The following CCDC33 variants were observed in gnomAD, a reference collection of about 807,000 sequenced individuals.
CCDC33 encodes coiled-coil domain containing 33.
A neutral mutation model predicts 91.9 loss-of-function variants in CCDC33; 94 were observed. The ratio of observed to expected loss-of-function variants is 1.02; its 90% CI spans 0.87 to 1.21. The LOEUF is 1.21. CCDC33 is among the 50% of genes most tolerant of loss of function. The pLI is 0.00. For missense variants in CCDC33, 940 were observed against 935.5 expected, an observed-to-expected ratio of 1.00 and a Z score of -0.06; for synonymous variants, 396 against 374.5, an observed-to-expected ratio of 1.06 and a Z score of -0.66.
intron 10 of CCDC33, among the ~76,000 whole-genome samples, chr15:74,285,057 C>T (rs1479777347): frequency 6.6e-6 from 1 of 152,284 alleles, no homozygotes; most frequent in Non-Finnish European, 1.5e-5. Flanking sequence ...CCCTCGTTCA[C>T]ATGGTCAACA....
intron 11 of CCDC33, among the ~76,000 whole-genome samples, chr15:74,305,761 G>A (rs551665721): frequency 2.6e-5 from 4 of 152,268 alleles, no homozygotes; most frequent in African/African-American, 7.2e-5. Flanking sequence ...AGGGTTTTGA[G>A]CATCTACTCT....
At chr15:74,247,804 C>T (rs1482075284) in intron 2 of CCDC33, among the ~76,000 whole-genome samples, 3 of 152,090 alleles carry the variant, frequency 2.0e-5, no homozygotes, top group Non-Finnish European at 4.4e-5. Context: ...TGGCTGGGCA[C>T]GGTGGCTCAT....
At position 74,331,205 on chromosome 15, in the gene CCDC33, G is replaced by A. The variant is rs754933792; in HGVS notation, c.1680G>A (p.Val560=). 3 of 1,614,200 alleles carry A rather than the reference G, an allele frequency of 1.9e-6. No individual in the cohort carries two copies. The Admixed American group carries it at 5.0e-5, about 27-fold the overall frequency. The change falls in exon 15 of 19, where the codon GTG becomes GTA. Residue 560 remains valine (V), a splice_region_variant and synonymous_variant. Coordinates refer to ENST00000398814, the MANE Select transcript of CCDC33 (RefSeq NM_025055.5). ...LEETVRHQEK[V]IEKMERVLED... is the part of the protein sequence containing the mutation. ...CCAGCCTCTGCTCTGCTCTCCAGGT[G>A]ATCGAGAAGATGGAGCGGGTGCTGG...
At chr15:74,208,461 C>T (rs2074311884) in intron 1 of CCDC33, among the ~76,000 whole-genome samples, 1 of 152,142 alleles carries the variant, frequency 6.6e-6, no homozygotes, top group African/African-American at 2.4e-5. Context: ...GACTGCTGGG[C>T]AGATCCCCTG....
intron 10 of CCDC33, among the ~76,000 whole-genome samples, chr15:74,294,914 C>T (rs2059654604): frequency 6.6e-6 from 1 of 152,078 alleles, no homozygotes; most frequent in African/African-American, 2.4e-5. Flanking sequence ...TGAGTGGCAT[C>T]AGACTTTAGA....
intron 11 of CCDC33, among the ~76,000 whole-genome samples, chr15:74,326,260 G>A (rs1384008445): frequency 1.3e-5 from 2 of 152,230 alleles, no homozygotes; most frequent in Non-Finnish European, 2.9e-5. Flanking sequence ...AGAAGTTCGA[G>A]GTTGCAGTGA....
chr15:74,294,353 C>G (rs1339673042), intron 10 of CCDC33, among the ~76,000 whole-genome samples: 1 of 152,052 alleles, frequency 6.6e-6, no homozygotes. Context: ...TTAGAGATAA[C>G]CATGAATTTC....
In CCDC33 at chr15:74,336,088, G is replaced by T. The variant is rs775167644; in HGVS notation, c.*35G>T. On this transcript the variant is annotated 3_prime_UTR_variant, in exon 19 of 19. Coordinates refer to ENST00000398814, the MANE Select transcript of CCDC33 (RefSeq NM_025055.5). ...CAGGCCTCCTTCCCTGTGTGCTGGG[G>T]AGTCTCATCACCGCCCCCTAAAAAT... 1 of 1,606,760 alleles carries T rather than the reference G, an allele frequency of 6.2e-7. No homozygotes were observed.
chr15:74,331,431 G>GA (rs2060436947), intron 15 of CCDC33, 135 bp downstream of exon 15: 4 of 867,702 alleles, frequency 4.6e-6, no homozygotes. Flanking sequence ...GTGGGCCTGG[G>GA]AGACCCAGGA....
rs2075448510 is a variant in CCDC33, at chr15:74,244,292, C to G, written c.185+144C>G. The G allele has an allele frequency of 9.3e-7, 1 of 1,076,738 alleles. No individual in the cohort carries two copies. Among genetic ancestry groups the G allele is most frequent in the Admixed American group, 2.9e-5 (1 of 34,034 alleles). The allele number at this position is 1,076,738 out of a possible 1,614,324, so 66.7% of individuals were successfully genotyped here. A position where few individuals can be genotyped will look rare whatever the true frequency, so the allele number is the denominator to read the frequency against. On this transcript the variant is annotated intron_variant, in intron 2 of 18. Transcript: ENST00000398814. This position sits in a 1 kb window ranked among gnomAD's most constrained non-coding sequence, Gnocchi z 4.2. ...GGGGAGGAGCTGCTGTGGGCACTACCTGGCATCTCCGCTGCTGCATGGGAA... is the reference window on the plus strand; with the variant it reads ...GGGGAGGAGCTGCTGTGGGCACTACGTGGCATCTCCGCTGCTGCATGGGAA...
chr15:74,290,825 G>A (rs2059571436), intron 10 of CCDC33, among the ~76,000 whole-genome samples: 1 of 152,206 alleles, frequency 6.6e-6, no homozygotes, highest in Non-Finnish European at 1.5e-5. Flanking sequence ...TGGAGCAGCA[G>A]TAGGATGTGA....
chr15:74,282,973 C>T (rs1041305732), intron 10 of CCDC33, among the ~76,000 whole-genome samples: 2 of 152,200 alleles, frequency 1.3e-5, no homozygotes, highest in Non-Finnish European at 2.9e-5. Flanking sequence ...CTTCTTCCCA[C>T]GCAGGAAAAA....
intron 11 of CCDC33, among the ~76,000 whole-genome samples, chr15:74,322,421 T>C (rs1378225058): frequency 1.3e-5 from 2 of 152,180 alleles, no homozygotes; most frequent in African/African-American, 4.8e-5. Context: ...TTGGGGTTAC[T>C]GCAAGATGGG....
At position 74,217,361 on chromosome 15, in the gene CCDC33, C is replaced by T. The variant is rs1214985809; in HGVS notation, c.90C>T (p.Phe30=). 1.2e-5 allele frequency: 16 copies of T among 1,289,948 alleles called. 1 individual carries two copies. Among genetic ancestry groups the T allele is most frequent in the Admixed American group, 4.6e-5 (2 of 43,550 alleles). The allele number at this position is 1,289,948 out of a possible 1,614,324, so 79.9% of individuals were successfully genotyped here. The change falls in exon 1 of 3, where the codon TTC becomes TTT. Residue 30 remains phenylalanine, a synonymous_variant. Transcript: ENST00000635913. Reference sequence around the variant, plus strand: ...AGGAGAAGACGCTGGATCTGGAGTTCGAAGTTTTGAGCGTGGGGTTTAATG... The same window carrying T: ...AGGAGAAGACGCTGGATCTGGAGTTTGAAGTTTTGAGCGTGGGGTTTAATG...
chr15:74,271,852 G>A lies in CCDC33; in HGVS notation c.638+58G>A, dbSNP rs1595994680. On this transcript the variant is annotated intron_variant, in intron 6 of 18. Transcript: ENST00000398814. ...GGGCAGAGCAGAGGGCAGAGGAGGG[G>A]GTGAGGCTGTCATTGCTGCCATGGG... 24 of 1,453,152 alleles carry A rather than the reference G, an allele frequency of 1.7e-5. 1 individual carries two copies. In the East Asian group the frequency reaches 5.6e-4, roughly 34 times the overall value. The allele number at this position is 1,453,152 out of a possible 1,614,324, so 90.0% of individuals were successfully genotyped here. A position where few individuals can be genotyped will look rare whatever the true frequency, so the allele number is the denominator to read the frequency against.
rs765013553 is a variant in CCDC33, at chr15:74,236,748, CA to C, written c.21+9del. 1.9e-6 allele frequency: 3 copies of C among 1,613,702 alleles called. No individual in the cohort carries two copies. The East Asian group carries it at 6.7e-5, about 36-fold the overall frequency. On this transcript the variant is annotated intron_variant, in intron 1 of 18. Transcript: ENST00000398814. ...GGACTGAAAAACAAAAAGGTAAGGC[CA>C]GGGGCATGGGCCATGCACCTGCATG...
intron 10 of CCDC33, among the ~76,000 whole-genome samples, chr15:74,283,662 C>G (rs915171256): frequency 1.3e-5 from 2 of 152,138 alleles, no homozygotes; most frequent in African/African-American, 4.8e-5. Flanking sequence ...CCCCCAACCC[C>G]CTCCCCCTGG....
intron 2 of CCDC33, among the ~76,000 whole-genome samples, chr15:74,223,213 C>G (rs1462026997): frequency 3.3e-5 from 5 of 152,230 alleles, no homozygotes; most frequent in South Asian, 2.1e-4. Context: ...TTCTGCCACT[C>G]CCTCTGCTCT....
chr15:74,302,793 T>A (rs1179607507), intron 11 of CCDC33: 2 of 152,834 alleles, frequency 1.3e-5, no homozygotes, highest in East Asian at 3.8e-4. Context: ...GCCTCCCTCA[T>A]CCACAGGGCA....
Sources: allele counts gnomAD v4.1 joint callset (sites outside exome capture counted in the v4.1 genomes callset), GRCh38; gene constraint gnomAD v4.1.1; non-coding constraint Gnocchi (gnomAD v3.1); transcripts MANE v1.5; gene names NCBI Gene and HGNC (gene_info 2026-07-23, HGNC 2026-07-21).